The following EPB41L4A variants were observed in gnomAD, a reference collection of about 807,000 sequenced individuals.
The protein encoded by EPB41L4A is erythrocyte membrane protein band 4.1 like 4A, also known as band 4.1-like protein 4A.
EPB41L4A carries 100 observed loss-of-function variants against 108.6 expected under a neutral mutation model. That is an observed-to-expected ratio of 0.92 (90% CI 0.78 to 1.09). The LOEUF is 1.09. EPB41L4A is among the 50% of genes least tolerant of loss of function. The pLI, the probability that EPB41L4A is intolerant of heterozygous loss-of-function variation, is 0.00. For missense variants in EPB41L4A, 1,030 were observed against 842.7 expected, an observed-to-expected ratio of 1.22 and a Z score of -2.75; for synonymous variants, 319 against 289.0, an observed-to-expected ratio of 1.10 and a Z score of -1.05.
rs1179005788 is a variant in EPB41L4A, at chr5:112,301,978, G to T, written c.204+5408C>A. On this transcript the variant is annotated intron_variant, in intron 2 of 22. Coordinates refer to ENST00000261486, the MANE Select transcript of EPB41L4A (RefSeq NM_022140.5). ...GAATACAAGTTTAACGACATAAAAG[G>T]AATAAATAAATGTTTCTGATTTTTA... Among the ~76,000 whole-genome samples the T allele has an allele frequency of 3.3e-5, 5 of 151,930 alleles. No individual in the cohort carries two copies. In the East Asian group the frequency reaches 9.7e-4, roughly 29 times the overall value.
At chr5:112,179,713 A>C (rs554419466) in intron 18 of EPB41L4A, among the ~76,000 whole-genome samples, 49 of 152,288 alleles carry the variant, frequency 3.2e-4, no homozygotes, top group South Asian at 1.2e-3. Context: ...ATATAATGTG[A>C]CATATTGAAT....
At chr5:112,207,160 C>A (rs572632005) in intron 13 of EPB41L4A, 3 of 152,290 alleles carry the variant, frequency 2.0e-5, no homozygotes, top group African/African-American at 7.2e-5. Context: ...TGATCTTCAA[C>A]AAAAGCAACT....
In EPB41L4A at chr5:112,194,708, G is replaced by A. The variant is rs185516372; in HGVS notation, c.1425-63C>T. 9.8e-4 allele frequency: 1,174 copies of A among 1,198,348 alleles called. 14 individuals carry two copies. In the African/African-American group the frequency reaches 0.017, roughly 17 times the overall value. The allele number at this position is 1,198,348 out of a possible 1,614,324, so 74.2% of individuals were successfully genotyped here. ...CATTTATAACTCACGAACAATTTCA[G>A]AAAGGTTTATATGGGTCCTCTGGAA... On this transcript the variant is annotated intron_variant, in intron 16 of 22. Transcript: ENST00000261486.
rs563375484 is a variant in EPB41L4A at position 112,246,932 on chromosome 5, T to C, written c.796-6122A>G. The stretch of plus-strand genomic sequence containing the variant: ...TCAAAATCATCTTTGGAGAAAGGCA[T>C]AGACCTGTCTCCCTGGCATGTCCTT... On this transcript the variant is annotated intron_variant, in intron 9 of 22. Coordinates refer to ENST00000261486, the MANE Select transcript of EPB41L4A (RefSeq NM_022140.5). 4.3e-4 allele frequency among the ~76,000 whole-genome samples: 65 copies of C among 152,328 alleles called. 1 individual carries two copies. In the South Asian group the frequency reaches 0.013, roughly 30 times the overall value.
chr5:112,398,978 G>A (rs889945054), intron 1 of EPB41L4A, among the ~76,000 whole-genome samples: 4 of 151,184 alleles, frequency 2.6e-5, no homozygotes, highest in Non-Finnish European at 5.9e-5. Context: ...TAGAGCCAGA[G>A]AAATGAGAAG....
At chr5:112,234,509 A>C in intron 12 of EPB41L4A, 125 bp downstream of exon 12, 1 of 885,680 alleles carries the variant, frequency 1.1e-6, no homozygotes, top group South Asian at 3.9e-5. Context: ...AATATTAGAA[A>C]ATTTTAATAT....
chr5:112,185,417 T>C (rs932340724), intron 17 of EPB41L4A, among the ~76,000 whole-genome samples: 3 of 152,236 alleles, frequency 2.0e-5, no homozygotes, highest in Admixed American at 1.3e-4. Context: ...GTGACAAATA[T>C]TCATTTCACA....
At chr5:112,279,222 C>G (rs1752804714) in intron 3 of EPB41L4A, among the ~76,000 whole-genome samples, 1 of 152,116 alleles carries the variant, frequency 6.6e-6, no homozygotes, top group Admixed American at 6.6e-5. Flanking sequence ...ATGATGCTGA[C>G]ATTCATAGAA....
downstream of EPB41L4A, among the ~76,000 whole-genome samples, chr5:112,160,208 C>G (rs1336902332): frequency 6.6e-6 from 1 of 152,114 alleles, no homozygotes; most frequent in African/African-American, 2.4e-5. Flanking sequence ...CCGCGCCCGG[C>G]GTTCTTTTCA....
intron 9 of EPB41L4A, among the ~76,000 whole-genome samples, chr5:112,254,065 T>C (rs910141955): frequency 2.0e-5 from 3 of 152,188 alleles, no homozygotes; most frequent in Non-Finnish European, 4.4e-5. Flanking sequence ...TTCTACATCC[T>C]GTCACACGGG....
At chr5:112,194,943 T>C (rs532635566) in intron 16 of EPB41L4A, among the ~76,000 whole-genome samples, 2 of 152,316 alleles carry the variant, frequency 1.3e-5, no homozygotes, top group African/African-American at 4.8e-5. Flanking sequence ...AACTCTGACA[T>C]GGCAAAGCCG....
rs1346574638 is a variant in EPB41L4A at position 112,205,476 on chromosome 5, G to C, written c.1207C>G (p.Pro403Ala). 2.5e-6 allele frequency: 4 copies of C among 1,611,998 alleles called. No homozygotes were observed. The highest frequency in any genetic ancestry group is 2.5e-6 in the Non-Finnish European group (3 of 1,179,346). Reference protein sequence around the residue: ...SFKKAKNENSPDTQRSKSHAP... With the variant: ...SFKKAKNENSADTQRSKSHAP... ...TGAGATTTGCTTCTTTGGGTATCAG[G>C]GCTATTTTCATTCTTTGCTTTCTTA... Residue 403 changes from proline to alanine, a missense_variant, in exon 14 of 23, where the codon CCT (proline) becomes GCT (alanine). Physicochemically the swap from Pro to Ala is conservative, Grantham distance 27. Coordinates refer to ENST00000261486, the MANE Select transcript of EPB41L4A (RefSeq NM_022140.5).
At chr5:112,379,747 T>C (rs1157458231) in intron 1 of EPB41L4A, among the ~76,000 whole-genome samples, 1 of 152,178 alleles carries the variant, frequency 6.6e-6, no homozygotes, top group East Asian at 1.9e-4. Flanking sequence ...GATCTAAGGC[T>C]TACCCGAAGG....
intron 13 of EPB41L4A, among the ~76,000 whole-genome samples, chr5:112,145,661 C>T (rs960365731): frequency 4.6e-5 from 7 of 152,162 alleles, no homozygotes; most frequent in African/African-American, 1.7e-4. Context: ...CCAAGTTTAA[C>T]CAGCCTAAGA....
rs1194567832 is a variant in EPB41L4A, at chr5:112,264,888, A to C, written c.554+8T>G. 2 of 1,607,714 alleles carry C rather than the reference A, an allele frequency of 1.2e-6. No homozygotes were observed. Among genetic ancestry groups the C allele is most frequent in the Non-Finnish European group, 8.5e-7 (1 of 1,178,242 alleles). ...TGATGCAATAAGACATGGTGTAATG[A>C]TTCTTACATTAGAGTTTTATGAATC... On this transcript the variant is annotated splice_region_variant and intron_variant, in intron 6 of 22. Coordinates refer to ENST00000261486, the MANE Select transcript of EPB41L4A (RefSeq NM_022140.5).
At chr5:112,397,552 GAAAA>G (rs998506411) in intron 1 of EPB41L4A, among the ~76,000 whole-genome samples, 1 of 151,244 alleles carries the variant, frequency 6.6e-6, no homozygotes, top group African/African-American at 2.4e-5. Context: ...TAGTAATTCT[GAAAA>G]AAAATTTACA....
rs1249654656 is a variant in EPB41L4A, at chr5:112,338,674, C to A, written c.100-31184G>T. Among the ~76,000 whole-genome samples the A allele has an allele frequency of 3.3e-5, 5 of 152,232 alleles. No individual in the cohort carries two copies. In the South Asian group the frequency reaches 1.0e-3, roughly 32 times the overall value. Reference sequence around the variant, plus strand: ...GCAGTTATAACTTGACAAACACATACACACATTGTGTATTTGTTAACGGCC... The same window carrying A: ...GCAGTTATAACTTGACAAACACATAAACACATTGTGTATTTGTTAACGGCC... On this transcript the variant is annotated intron_variant, in intron 1 of 22. Transcript: ENST00000261486.
chr5:112,319,214 G>A (rs1053501448), intron 1 of EPB41L4A, among the ~76,000 whole-genome samples: 3 of 152,230 alleles, frequency 2.0e-5, no homozygotes, highest in East Asian at 3.9e-4. Flanking sequence ...CAAAAGCTAG[G>A]AGCCAGCTTG....
At chr5:112,394,997 G>A (rs149250361) in intron 1 of EPB41L4A, among the ~76,000 whole-genome samples, 21,377 of 152,128 alleles carry the variant, frequency 0.14, 4,207 homozygotes, top group African/African-American at 0.44. Flanking sequence ...AATGGGGAAA[G>A]GATTCCCTAT....
Sources: gnomAD v4.1 joint callset for allele counts (sites outside exome capture counted in the v4.1 genomes callset) on GRCh38, gnomAD v4.1.1 for gene constraint, MANE v1.5 for transcripts, NCBI Gene and HGNC (gene_info 2026-07-23, HGNC 2026-07-21) for gene names.